The following ZNF670 variants were observed in gnomAD, a reference collection of about 807,000 sequenced individuals.
ZNF670 encodes the protein zinc finger protein 670.
Under a neutral mutation model 10.9 loss-of-function variants are expected in ZNF670, and 7 were observed. That is an observed-to-expected ratio of 0.64 (90% CI 0.36 to 1.20). The LOEUF is 1.20. ZNF670 is among the 50% of genes most tolerant of loss of function. The pLI, the probability that ZNF670 is intolerant of heterozygous loss-of-function variation, is 0.02. For missense variants in ZNF670, 446 were observed against 458.6 expected (o/e 0.97, Z 0.25); for synonymous variants, 136 against 152.7 (o/e 0.89, Z 0.81).
chr1:247,066,400 G>T (rs1045745002), intron 1 of ZNF670, among the ~76,000 whole-genome samples: 1 of 152,116 alleles, frequency 6.6e-6, no homozygotes, highest in Admixed American at 6.5e-5. Flanking sequence ...ATGGACACTT[G>T]AGCTGGAAAA....
chr1:247,039,498 GAGTAAA>G lies in ZNF670; in HGVS notation c.37_42del (p.Phe13_Thr14del), dbSNP rs758273716. The G allele has an allele frequency of 2.2e-5, 35 of 1,604,370 alleles. No homozygotes were observed. The South Asian group carries it at 3.3e-4, about 15-fold the overall frequency. On this transcript the variant is annotated inframe_deletion, in exon 2 of 4. Coordinates refer to ENST00000366503, the MANE Select transcript of ZNF670 (RefSeq NM_033213.5). ...GGATCCAGCAAAGCCCACTCCTCCT[GAGTAAA>G]GGCCACAGCCACATCTTCAAATGAC... is the stretch of plus-strand genomic sequence containing the variant.
intron 1 of ZNF670, among the ~76,000 whole-genome samples, chr1:247,055,170 T>C (rs1240224714): frequency 1.3e-5 from 2 of 152,250 alleles, no homozygotes; most frequent in African/African-American, 4.8e-5. Context: ...AGAAACACCT[T>C]TGTCCTTTGT....
rs1670200328 is a variant in ZNF670, at chr1:247,037,916, T to G, written c.703A>C (p.Thr235Pro). 5 of 1,614,072 alleles carry G rather than the reference T, an allele frequency of 3.1e-6. No homozygotes were observed. Among genetic ancestry groups the G allele is most frequent in the Non-Finnish European group, 8.5e-7 (1 of 1,179,982 alleles). ...TGTTGGCGAAGAGAACTGGAAAAAG[T>G]GAATGATTTACCACATTTCTTACAT... is the stretch of plus-strand genomic sequence containing the variant. ...YACKKCGKSF[T>P]FSSSLRQHER... The change falls in exon 4 of 4, where the codon ACT becomes CCT. Residue 235 changes from threonine to proline, a missense_variant. Coordinates refer to ENST00000366503, the MANE Select transcript of ZNF670 (RefSeq NM_033213.5).
At chr1:247,076,029 A>G (rs1366617912) in intron 1 of ZNF670, among the ~76,000 whole-genome samples, 1 of 152,142 alleles carries the variant, frequency 6.6e-6, no homozygotes, top group Non-Finnish European at 1.5e-5. Flanking sequence ...TCTGAATAAA[A>G]CATATTTTAA....
At chr1:247,054,792 C>T (rs1355088481) in intron 1 of ZNF670, among the ~76,000 whole-genome samples, 1 of 152,044 alleles carries the variant, frequency 6.6e-6, no homozygotes, top group Non-Finnish European at 1.5e-5. Context: ...GTAAAGGAAA[C>T]TTTGAGCTAT....
In ZNF670 at chr1:247,064,173, T is replaced by C. The variant is rs77543152; in HGVS notation, c.3+14421A>G. On this transcript the variant is annotated intron_variant, in intron 1 of 3. Transcript: ENST00000366503. ...GTCACGGGTGTCCCTGCATCTTTTC[T>C]AGAATGTCGCAGTACCCGCAAGCAG... Among the ~76,000 whole-genome samples the C allele has an allele frequency of 4.5e-3, 679 of 152,318 alleles. 6 individuals carry two copies. The highest frequency in any genetic ancestry group is 0.015 in the African/African-American group (641 of 41,578).
rs1374004857 is a variant in ZNF670 at position 247,036,931 on chromosome 1, A to G, written c.*518T>C. ...GAACTCATTTTTCATTGGTCCATTA[A>G]TTAGAGAACAATTAAACAACTACAT... On this transcript the variant is annotated 3_prime_UTR_variant, in exon 4 of 4. Coordinates refer to ENST00000366503, the MANE Select transcript of ZNF670 (RefSeq NM_033213.5). The G allele has an allele frequency of 6.6e-6, 1 of 151,974 alleles. No individual in the cohort carries two copies. The highest frequency in any genetic ancestry group is 1.5e-5 in the Non-Finnish European group (1 of 68,878). 9.4% of individuals were successfully genotyped at this position (151,974 alleles called of 1,614,324 possible).
intron 1 of ZNF670, among the ~76,000 whole-genome samples, chr1:247,073,001 A>G (rs577647956): frequency 6.6e-6 from 1 of 151,894 alleles, no homozygotes; most frequent in South Asian, 2.1e-4. Flanking sequence ...ACAAAGAATA[A>G]GAAAAAATAA....
chr1:247,038,493 G>A, intron 3 of ZNF670, 66 bp from the exon 4 acceptor site: 2 of 1,478,010 alleles, frequency 1.4e-6, no homozygotes, highest in Non-Finnish European at 1.8e-6. Flanking sequence ...CTAATACCAT[G>A]GAAAATGCAA....
At chr1:247,067,773 C>T (rs1386270311) in intron 1 of ZNF670, among the ~76,000 whole-genome samples, 10 of 124,794 alleles carry the variant, frequency 8.0e-5, no homozygotes, top group Non-Finnish European at 1.3e-4. Context: ...ACCCGGGAGG[C>T]GGAGCTTGCA....
At chr1:247,044,375 G>A (rs540100424) in intron 1 of ZNF670, among the ~76,000 whole-genome samples, 36 of 152,282 alleles carry the variant, frequency 2.4e-4, no homozygotes, top group African/African-American at 8.4e-4. Flanking sequence ...AATTAGTTCA[G>A]CCATTGTGAA....
At chr1:247,056,822 A>G (rs930597302) in intron 1 of ZNF670, among the ~76,000 whole-genome samples, 1 of 152,210 alleles carries the variant, frequency 6.6e-6, no homozygotes, top group Non-Finnish European at 1.5e-5. Flanking sequence ...CTAGACCACT[A>G]TCTCTCACCA....
rs144834189 is a variant in ZNF670 at position 247,043,134 on chromosome 1, G to A, written c.4-3597C>T. 2.4e-4 allele frequency: 219 copies of A among 927,216 alleles called. No individual in the cohort carries two copies. In the African/African-American group the frequency reaches 3.0e-3, roughly 13 times the overall value. 57.4% of individuals were successfully genotyped at this position (927,216 alleles called of 1,614,324 possible). ...TGTTTGACACTGACATGACAGACATGACAATGTGAGGAGATGCTGTAGTTC... is the reference window on the plus strand; with the variant it reads ...TGTTTGACACTGACATGACAGACATAACAATGTGAGGAGATGCTGTAGTTC... On this transcript the variant is annotated intron_variant, in intron 1 of 3. Coordinates refer to ENST00000366503, the MANE Select transcript of ZNF670 (RefSeq NM_033213.5).
Position 247,037,531 on chromosome 1 carries a change from T to A in ZNF670, c.1088A>T (p.Lys363Ile). 6.2e-7 allele frequency: 1 copy of A among 1,614,144 alleles called. No homozygotes were observed. Among genetic ancestry groups the A allele is most frequent in the Non-Finnish European group, 8.5e-7 (1 of 1,179,990 alleles). ...ACCACATTTCTTACATTCATAGGGTTTTTCTCCAGTATGAGTCCTTTCATG... is the reference window on the plus strand; with the variant it reads ...ACCACATTTCTTACATTCATAGGGTATTTCTCCAGTATGAGTCCTTTCATG... ...RSHERTHTGEKPYECKKCGKA... is the reference protein window; with the variant it reads ...RSHERTHTGEIPYECKKCGKA... Residue 363 changes from lysine to isoleucine, a missense_variant, in exon 4 of 4, where the codon AAA becomes ATA. Physicochemically the swap from Lys to Ile is moderately radical, Grantham distance 102. Coordinates refer to ENST00000366503, the MANE Select transcript of ZNF670 (RefSeq NM_033213.5).
chr1:247,075,887 C>T (rs1486650199), intron 1 of ZNF670, among the ~76,000 whole-genome samples: 1 of 152,162 alleles, frequency 6.6e-6, no homozygotes, highest in East Asian at 1.9e-4. Context: ...GAGAAACTTA[C>T]TACACTCACT....
intron 1 of ZNF670, among the ~76,000 whole-genome samples, chr1:247,042,466 G>C (rs77911470): frequency 0.019 from 2,958 of 152,300 alleles, 36 homozygotes; most frequent in Middle Eastern, 0.085. Context: ...GCCTTTCAAG[G>C]TGGTTTGATA....
chr1:247,061,045 T>G (rs1193038615), intron 1 of ZNF670, among the ~76,000 whole-genome samples: 3 of 152,156 alleles, frequency 2.0e-5, no homozygotes, highest in Non-Finnish European at 2.9e-5. Context: ...CAAATCTCAG[T>G]GCAACACAAT....
At chr1:247,072,805 T>C (rs1395992568) in intron 1 of ZNF670, among the ~76,000 whole-genome samples, 2 of 4,472 alleles carry the variant, frequency 4.5e-4, no homozygotes, top group South Asian at 0.016. Flanking sequence ...AAAGTGTGTG[T>C]ATATATATAT....
intron 1 of ZNF670, among the ~76,000 whole-genome samples, chr1:247,072,812 A>ATATATATATATG (rs1386741755): frequency 2.0e-5 from 1 of 50,542 alleles, no homozygotes; most frequent in East Asian, 3.0e-4. Flanking sequence ...GTGTATATAT[A>ATATATATATATG]TATATATATA....
Sources: gnomAD v4.1 joint callset for allele counts (sites outside exome capture counted in the v4.1 genomes callset) on GRCh38, gnomAD v4.1.1 for gene constraint, MANE v1.5 for transcripts, NCBI Gene and HGNC (gene_info 2026-07-23, HGNC 2026-07-21) for gene names.